Variants in TENM2 observed in about 807,000 individuals in gnomAD.
TENM2 encodes teneurin-2.
TENM2 carries 52 observed loss-of-function variants against 245.2 expected under a neutral mutation model. The observed-to-expected ratio is 0.21, with a 90% CI of 0.17 to 0.27. TENM2 has a LOEUF of 0.27. Ranked by LOEUF, TENM2 falls within the 10% of genes least tolerant of loss-of-function variation. The pLI is 1.00. For synonymous variants in TENM2, 1,363 were observed against 1,438.9 expected (o/e 0.95, Z 1.19); for missense variants, 3,046 against 3,666.8 (o/e 0.83, Z 4.37).
the TENM2 span, among the ~76,000 whole-genome samples, chr5:167,051,054 A>C: frequency 6.6e-6 from 1 of 152,074 alleles, no homozygotes; most frequent in Non-Finnish European, 1.5e-5. Context: ...CATTTCCGCT[A>C]ACCAATACAC....
intron 1 of TENM2, among the ~76,000 whole-genome samples, chr5:167,316,255 C>T (rs1458938442): frequency 6.6e-6 from 1 of 152,276 alleles, no homozygotes; most frequent in East Asian, 1.9e-4. Flanking sequence ...GTAATGGATG[C>T]ATCATAAATA....
At chr5:168,262,417 G>A in exon 29 of TENM2, 1 of 1,583,190 alleles carries the variant, frequency 6.3e-7, no homozygotes, top group Non-Finnish European at 8.6e-7. Flanking sequence ...AGGTGCTAGA[G>A]AGCGGGGTGA....
intron 2 of TENM2, among the ~76,000 whole-genome samples, chr5:167,494,328 G>T (rs1768644480): frequency 6.6e-6 from 1 of 152,100 alleles, no homozygotes; most frequent in Admixed American, 6.6e-5. Context: ...TACCTAAAGG[G>T]TTGAAAGGTT....
intron 2 of TENM2, among the ~76,000 whole-genome samples, chr5:167,569,343 C>T (rs982269711): frequency 6.6e-6 from 1 of 151,910 alleles, no homozygotes; most frequent in African/African-American, 2.4e-5. Flanking sequence ...ACTTTGTTTA[C>T]AGATTGTGGG....
intron 27 of TENM2, among the ~76,000 whole-genome samples, chr5:168,251,026 G>A (rs1266642784): frequency 6.6e-6 from 1 of 152,156 alleles, no homozygotes; most frequent in African/African-American, 2.4e-5. Context: ...AGGGAGAGAG[G>A]AGGAGTGTTC....
chr5:167,158,424 C>G, the TENM2 span, among the ~76,000 whole-genome samples: 1 of 152,138 alleles, frequency 6.6e-6, no homozygotes, highest in African/African-American at 2.4e-5. Context: ...GGACATATCC[C>G]TAGATCTCAT....
chr5:167,729,570 T>G lies in TENM2; in HGVS notation c.503-146416T>G, dbSNP rs1010369715. On this transcript the variant is annotated intron_variant, in intron 2 of 28. Transcript: ENST00000518659. ...TTGGGTGAACTCAGCAACTGGGAAA[T>G]GTCAATTAATGAGAGATTGTTAAAT... is the stretch of plus-strand genomic sequence containing the variant. Among the ~76,000 whole-genome samples, 3 of 152,256 alleles carry G rather than the reference T, an allele frequency of 2.0e-5. No individual in the cohort carries two copies. The East Asian group carries it at 5.8e-4, about 29-fold the overall frequency.
At chr5:167,284,125 C>G (rs1771201974), upstream of TENM2, among the ~76,000 whole-genome samples, 1 of 152,142 alleles carries the variant, frequency 6.6e-6, no homozygotes, top group African/African-American at 2.4e-5. Flanking sequence ...AGACACAGAT[C>G]TGCAAGGGAG....
the TENM2 span, among the ~76,000 whole-genome samples, chr5:167,194,763 C>T: frequency 1.3e-5 from 2 of 152,120 alleles, no homozygotes; most frequent in African/African-American, 4.8e-5. Flanking sequence ...GTAAATGCTT[C>T]ATAAATGTTA....
intron 2 of TENM2, among the ~76,000 whole-genome samples, chr5:167,766,427 T>A (rs1231779938): frequency 6.6e-6 from 1 of 152,206 alleles, no homozygotes; most frequent in African/African-American, 2.4e-5. Flanking sequence ...TTATCAAAAG[T>A]GCAATTAGAA....
chr5:167,485,868 A>T (rs139374138), intron 2 of TENM2, among the ~76,000 whole-genome samples: 4 of 152,218 alleles, frequency 2.6e-5, no homozygotes, highest in East Asian at 3.9e-4. Flanking sequence ...TGTCACTGAA[A>T]ACCTATACAA....
At chr5:168,028,302 A>T (rs1405805422) in intron 5 of TENM2, among the ~76,000 whole-genome samples, 2 of 152,228 alleles carry the variant, frequency 1.3e-5, no homozygotes, top group Non-Finnish European at 2.9e-5. Flanking sequence ...GTTGATAAAA[A>T]GAGGAGTCCA....
chr5:167,375,310 T>C (rs1257391117), exon 2 of TENM2: 1 of 1,551,708 alleles, frequency 6.4e-7, no homozygotes, highest in Admixed American at 2.0e-5. Flanking sequence ...GCACAGGGTC[T>C]GACGCCGACT....
chr5:167,618,471 C>T lies in TENM2; in HGVS notation c.502+242998C>T, dbSNP rs960453205. On this transcript the variant is annotated intron_variant, in intron 2 of 28. Coordinates refer to ENST00000518659, the Ensembl canonical transcript of TENM2. Reference sequence around the variant, plus strand: ...GGACCTGCTTCCATATACACTTATTCATTTTGTCTTCACCGGACATGTTAA... The same window carrying T: ...GGACCTGCTTCCATATACACTTATTTATTTTGTCTTCACCGGACATGTTAA... Among the ~76,000 whole-genome samples the T allele has an allele frequency of 4.6e-5, 7 of 152,172 alleles. No homozygotes were observed. The East Asian group carries it at 9.7e-4, about 21-fold the overall frequency.
chr5:167,581,938 G>A (rs1221148380), intron 2 of TENM2, among the ~76,000 whole-genome samples: 3 of 151,810 alleles, frequency 2.0e-5, no homozygotes, highest in Non-Finnish European at 2.9e-5. Context: ...AAAAAATCAA[G>A]CGTTACAAAG....
rs77059549 is a variant in TENM2 at position 167,695,400 on chromosome 5, T to G, written c.503-180586T>G. The stretch of plus-strand genomic sequence containing the variant: ...TTCATATAATTTTACATGTGAAATG[T>G]TATTCTTCTTTTGATATTTTTAGCC... On this transcript the variant is annotated intron_variant, in intron 2 of 28. Transcript: ENST00000518659. Among the ~76,000 whole-genome samples the G allele has an allele frequency of 9.1e-4, 138 of 152,274 alleles. 1 individual carries two copies. The East Asian group carries it at 0.018, about 20-fold the overall frequency.
chr5:167,184,325 C>T, the TENM2 span, among the ~76,000 whole-genome samples: 778 of 152,286 alleles, frequency 5.1e-3, 5 homozygotes, highest in African/African-American at 0.017. Flanking sequence ...TTTCTTGTGA[C>T]TGAGGCTTGT....
At chr5:168,052,050 AG>A (rs1789132778) in intron 6 of TENM2, among the ~76,000 whole-genome samples, 1 of 151,936 alleles carries the variant, frequency 6.6e-6, no homozygotes, top group Admixed American at 6.6e-5. Flanking sequence ...ACTTAAGGCC[AG>A]GAGGTCGAGA....
chr5:167,623,057 C>T (rs948797938), intron 2 of TENM2, among the ~76,000 whole-genome samples: 2 of 152,044 alleles, frequency 1.3e-5, no homozygotes, highest in Admixed American at 1.3e-4. Flanking sequence ...TTCCCTCACC[C>T]CCAAATAAAA....
Sources: gnomAD v4.1 joint callset for allele counts (sites outside exome capture counted in the v4.1 genomes callset) on GRCh38, gnomAD v4.1.1 for gene constraint, MANE v1.5 for transcripts, NCBI Gene and HGNC (gene_info 2026-07-23, HGNC 2026-07-21) for gene names.